CROCC: variants seen among roughly 807,000 people sequenced by gnomAD.
CROCC encodes the protein rootletin.
CROCC carries 180 observed loss-of-function variants against 245.2 expected under a neutral mutation model. The ratio of observed to expected loss-of-function variants is 0.73; its 90% CI spans 0.65 to 0.83. The LOEUF is 0.83. CROCC is among the 40% of genes least tolerant of loss of function. The probability of loss-of-function intolerance (pLI) is 0.00; values close to 1 mark genes in which losing one functional copy is unlikely to be tolerated. For missense variants in CROCC, 2,688 were observed against 2,779.4 expected (o/e 0.97, Z 0.74); for synonymous variants, 1,205 against 1,241.6 (o/e 0.97, Z 0.62).
At chr1:16,929,778 G>C (rs12409489) in intron 3 of CROCC, 68 bp from the exon 4 acceptor site, 68 of 1,453,938 alleles carry the variant, frequency 4.7e-5, no homozygotes, top group African/African-American at 2.7e-4. Context: ...AGCCTGCCAC[G>C]CCCTACAGAA....
chr1:16,970,438 G>A lies in CROCC; in HGVS notation c.5637G>A (p.Arg1879=). The A allele has an allele frequency of 6.3e-7, 1 of 1,591,738 alleles. No homozygotes were observed. ...LRLEKDRVAL[R]RTLDKVEREK... is the part of the protein sequence containing the mutation. ...TGGAGAAGGACCGTGTAGCCCTCAGGAGGACGCTGGACAAGGTAGGCTGCT... is the reference window on the plus strand; with the variant it reads ...TGGAGAAGGACCGTGTAGCCCTCAGAAGGACGCTGGACAAGGTAGGCTGCT... The change falls in exon 34 of 37, where the codon AGG becomes AGA. Residue 1879 remains arginine (R), a synonymous_variant. Coordinates refer to ENST00000375541, the MANE Select transcript of CROCC (RefSeq NM_014675.5).
Position 16,969,249 on chromosome 1 carries a change from A to G in CROCC, c.5210A>G (p.Gln1737Arg), listed in dbSNP as rs756644040. The G allele has an allele frequency of 2.5e-6, 4 of 1,613,356 alleles. No homozygotes were observed. The African/African-American group carries it at 4.0e-5, about 16-fold the overall frequency. Residue 1737 changes from glutamine (Q) to arginine (R), a missense_variant, in exon 32 of 37, where the codon CAG becomes CGG. Coordinates refer to ENST00000375541, the MANE Select transcript of CROCC (RefSeq NM_014675.5). The part of the protein sequence containing the change: ...KVRGLTEALA[Q>R]SSASLNSTRD... ...CGGGGCCTGACAGAGGCCCTGGCCC[A>G]GAGCAGTGCCAGCCTCAACAGCACC...
chr1:16,960,746 G>A lies in CROCC; in HGVS notation c.4033-12G>A, dbSNP rs2076316874. On this transcript the variant is annotated splice_polypyrimidine_tract_variant and intron_variant, in intron 26 of 36. Coordinates refer to ENST00000375541, the MANE Select transcript of CROCC (RefSeq NM_014675.5). ...AGGTCTTGCCGACCTCCACCTCCTG[G>A]CATCACTCCAGCTCCAGGTAGCCCA... The A allele has an allele frequency of 1.3e-6, 2 of 1,505,158 alleles. No homozygotes were observed. The highest frequency in any genetic ancestry group is 2.6e-5 in the East Asian group (1 of 37,952). The allele number at this position is 1,505,158 out of a possible 1,614,324, so 93.2% of individuals were successfully genotyped here.
rs112962041 is a variant in CROCC at position 16,953,404 on chromosome 1, G to C, written c.3109G>C (p.Glu1037Gln). The C allele has an allele frequency of 5.9e-4, 944 of 1,610,836 alleles. No homozygotes were observed. Among genetic ancestry groups the C allele is most frequent in the South Asian group, 1.3e-3 (114 of 90,962 alleles). Residue 1037 changes from glutamate (E) to glutamine (Q), a missense_variant, in exon 21 of 37, where the codon GAG (glutamate) becomes CAG (glutamine). Physicochemically the swap from Glu to Gln is conservative, Grantham distance 29. Around this residue, in one of 9 missense-constraint regions of CROCC, gnomAD observed 106 missense variants for 126.1 expected, o/e 0.84. Coordinates refer to ENST00000375541, the MANE Select transcript of CROCC (RefSeq NM_014675.5). ...GGCCCGGCTGGAGGCTGAGAAGGAA[G>C]AGCTGAGTGAGGAGATTGCTGCCCT... Reference protein sequence around the residue: ...LLARLEAEKEELSEEIAALQQ... With the variant: ...LLARLEAEKEQLSEEIAALQQ...
Position 16,966,661 on chromosome 1 carries a change from C to T in CROCC, c.4860+90C>T. 5.1e-6 allele frequency: 7 copies of T among 1,375,420 alleles called. No individual in the cohort carries two copies. Among genetic ancestry groups the T allele is most frequent in the Non-Finnish European group, 6.7e-6 (7 of 1,051,928 alleles). The allele number at this position is 1,375,420 out of a possible 1,614,324, so 85.2% of individuals were successfully genotyped here. A position where few individuals can be genotyped will look rare whatever the true frequency, so the allele number is the denominator to read the frequency against. Reference sequence around the variant, plus strand: ...CTTATGTGTGTCTCCCTGTGTCTGTCTGCCTGAGTCTCTCTGCAACCCACT... The same window carrying T: ...CTTATGTGTGTCTCCCTGTGTCTGTTTGCCTGAGTCTCTCTGCAACCCACT... On this transcript the variant is annotated intron_variant, in intron 30 of 36. Transcript: ENST00000375541. This position sits in a 1 kb window ranked among gnomAD's most constrained non-coding sequence, Gnocchi z 4.8.
chr1:16,968,625 C>T (rs972881652), intron 31 of CROCC, among the ~76,000 whole-genome samples: 1 of 152,212 alleles, frequency 6.6e-6, no homozygotes, highest in Non-Finnish European at 1.5e-5. Flanking sequence ...GAATTCAGGA[C>T]TATTTGATGA....
Position 16,944,243 on chromosome 1 carries a change from T to TGCAGGATG in CROCC, c.1955_1962dup (p.Ala655ArgfsTer17), listed in dbSNP as rs1344215126. The TGCAGGATG allele has an allele frequency of 6.4e-7, 1 of 1,552,670 alleles. No homozygotes were observed. The highest frequency in any genetic ancestry group is 1.4e-5 in the African/African-American group (1 of 73,372). ...CTGGAGGAAGAGCAGGAGGACGCAG[T>TGCAGGATG]GCAGGATGGCGCGCGGGTGCGCCGG... On this transcript the variant is annotated frameshift_variant, in exon 14 of 37. Transcript: ENST00000375541. LOFTEE classifies it high-confidence loss of function.
chr1:16,929,963 C>A lies in CROCC; in HGVS notation c.469C>A (p.Arg157Ser), dbSNP rs1201498304. Residue 157 changes from arginine (R) to serine (S), a missense_variant, in exon 4 of 37, where the codon CGC becomes AGC. Around this residue, in one of 9 missense-constraint regions of CROCC, gnomAD observed 972 missense variants for 895.3 expected, o/e 1.09. Transcript: ENST00000375541. ...GCAGGAGGAGCAGGCCTCCTACCGG[C>A]GCAAGCTGCAGGCCTACCAGGAGGG... is the stretch of plus-strand genomic sequence containing the variant. ...QLQEEQASYR[R>S]KLQAYQEGQQ... 1.9e-6 allele frequency: 3 copies of A among 1,586,228 alleles called. No individual in the cohort carries two copies. Among genetic ancestry groups the A allele is most frequent in the Non-Finnish European group, 2.6e-6 (3 of 1,169,652 alleles).
intron 8 of CROCC, among the ~76,000 whole-genome samples, chr1:16,933,122 T>C (rs1228854317): frequency 1.3e-5 from 2 of 152,278 alleles, no homozygotes; most frequent in Non-Finnish European, 2.9e-5. Flanking sequence ...AATAATCTTT[T>C]GTTAATATCA....
At chr1:16,958,442 T>G (rs1277673060) in intron 25 of CROCC, 141 bp from the exon 26 acceptor site, 3 of 1,013,520 alleles carry the variant, frequency 3.0e-6, no homozygotes, top group Non-Finnish European at 4.3e-6. Flanking sequence ...AGTGTGGTTG[T>G]GTAGGGGCCG....
At position 16,969,832 on chromosome 1, in the gene CROCC, G is replaced by A. The variant is rs1309282138; in HGVS notation, c.5349G>A (p.Gln1783=). ...AGGCATTATCTGAGGCACGGAAGCA[G>A]AGCAGCTCCCTGGGCGAGCAGGTGC... ...ARQALSEARK[Q]SSSLGEQVQT... The change falls in exon 33 of 37, where the codon CAG becomes CAA. Residue 1783 remains glutamine, a synonymous_variant. Coordinates refer to ENST00000375541, the MANE Select transcript of CROCC (RefSeq NM_014675.5). The A allele has an allele frequency of 1.2e-6, 2 of 1,613,432 alleles. No homozygotes were observed. Among genetic ancestry groups the A allele is most frequent in the Non-Finnish European group, 1.7e-6 (2 of 1,179,768 alleles).
At chr1:16,970,491 G>A (rs745531698) in intron 34 of CROCC, 38 bp downstream of exon 34, 11 of 1,520,696 alleles carry the variant, frequency 7.2e-6, no homozygotes, top group Non-Finnish European at 9.7e-6. Flanking sequence ...ACTTCCTCTG[G>A]GGCCTAACCG....
Position 16,954,872 on chromosome 1 carries a change from C to T in CROCC, c.3460C>T (p.Arg1154Cys), listed in dbSNP as rs928517239. 8.5e-6 allele frequency: 13 copies of T among 1,528,352 alleles called. No individual in the cohort carries two copies. The African/African-American group carries it at 1.5e-4, about 18-fold the overall frequency. The allele number at this position is 1,528,352 out of a possible 1,614,324, so 94.7% of individuals were successfully genotyped here. Residue 1154 changes from arginine (R) to cysteine (C), a missense_variant, in exon 23 of 37, where the codon CGC becomes TGC. Around this residue, in one of 9 missense-constraint regions of CROCC, gnomAD observed 1,218 missense variants for 1,286.3 expected, o/e 0.95. Coordinates refer to ENST00000375541, the MANE Select transcript of CROCC (RefSeq NM_014675.5). The surrounding 1 kb of genome is among the most constrained non-coding windows in gnomAD (Gnocchi z 4.4). ...GGGCAAGCAGCGGGACTCCTGTCTT[C>T]GCGAGGTGAGCAGCCGCCCCCCTCT... Reference protein sequence around the residue: ...DLGKQRDSCLREAEELRTQLR... With the variant: ...DLGKQRDSCLCEAEELRTQLR...
At chr1:16,927,310 A>G (rs1371033957) in intron 3 of CROCC, among the ~76,000 whole-genome samples, 1 of 152,250 alleles carries the variant, frequency 6.6e-6, no homozygotes, top group Admixed American at 6.5e-5. Flanking sequence ...ACAGCACGCT[A>G]TCTCCCACCT....
intron 12 of CROCC, among the ~76,000 whole-genome samples, chr1:16,939,643 T>C (rs916581919): frequency 1.2e-4 from 19 of 152,068 alleles, no homozygotes; most frequent in Admixed American, 1.2e-3. Context: ...GGGGTTTGTC[T>C]GGCATCCGGG....
chr1:16,929,918 G>C lies in CROCC; in HGVS notation c.424G>C (p.Val142Leu), dbSNP rs369256326. Reference protein sequence around the residue: ...QEPRGLVRQSVELRRQLQEEQ... With the variant: ...QEPRGLVRQSLELRRQLQEEQ... ...GCCCAGGGGGCTGGTACGGCAGAGC[G>C]TGGAGTTGCGGAGGCAGCTGCAGGA... Residue 142 changes from valine to leucine, a missense_variant, in exon 4 of 37, where the codon GTG (valine) becomes CTG (leucine). Around this residue, in one of 9 missense-constraint regions of CROCC, gnomAD observed 972 missense variants for 895.3 expected, o/e 1.09. Coordinates refer to ENST00000375541, the MANE Select transcript of CROCC (RefSeq NM_014675.5). 4.4e-6 allele frequency: 7 copies of C among 1,588,988 alleles called. No homozygotes were observed. The highest frequency in any genetic ancestry group is 6.0e-6 in the Non-Finnish European group (7 of 1,171,180).
At position 16,929,902 on chromosome 1, in the gene CROCC, GC is replaced by G. The variant is rs1557583809; in HGVS notation, c.409del (p.Leu137TrpfsTer70). The G allele has an allele frequency of 1.3e-6, 2 of 1,588,630 alleles. No homozygotes were observed. Among genetic ancestry groups the G allele is most frequent in the East Asian group, 2.3e-5 (1 of 44,282 alleles). ...AGCTGGAGACGCAGGAGCCCAGGGG[GC>G]TGGTACGGCAGAGCGTGGAGTTGCG... ...GELETQEPRG[L>X]VRQSVELRRQ... On this transcript the variant is annotated frameshift_variant, in exon 4 of 37. Coordinates refer to ENST00000375541, the MANE Select transcript of CROCC (RefSeq NM_014675.5). LOFTEE classifies it high-confidence loss of function.
intron 3 of CROCC, among the ~76,000 whole-genome samples, chr1:16,928,889 C>T (rs1205076042): frequency 4.6e-5 from 7 of 152,190 alleles, no homozygotes; most frequent in East Asian, 3.8e-4. Context: ...TGCAGTGGCA[C>T]GATCTCGGCT....
intron 31 of CROCC, 107 bp downstream of exon 31, chr1:16,968,525 C>T: frequency 8.8e-7 from 1 of 1,131,958 alleles, no homozygotes; most frequent in Non-Finnish European, 1.2e-6. Context: ...GTATTACCCA[C>T]ATCCCCATTT....
Sources: gnomAD v4.1 joint callset for allele counts (sites outside exome capture counted in the v4.1 genomes callset) on GRCh38, gnomAD v4.1.1 for gene constraint, gnomAD v4.1.1 regional missense constraint, Gnocchi (gnomAD v3.1) non-coding constraint, MANE v1.5 for transcripts, NCBI Gene and HGNC (gene_info 2026-07-23, HGNC 2026-07-21) for gene names.